DPYSL2: variants seen among roughly 807,000 people sequenced by gnomAD.
DPYSL2 encodes dihydropyrimidinase-related protein 2.
Under a neutral mutation model 69.9 loss-of-function variants are expected in DPYSL2, and 13 were observed. The ratio of observed to expected loss-of-function variants is 0.19; its 90% confidence interval spans 0.12 to 0.30. The LOEUF is 0.30. Ranked by LOEUF, DPYSL2 falls within the 10% of genes least tolerant of loss-of-function variation. The pLI, the probability that DPYSL2 is intolerant of heterozygous loss-of-function variation, is 1.00. For missense variants in DPYSL2, 587 were observed against 918.9 expected (o/e 0.64, Z 4.67); for synonymous variants, 326 against 359.1 (o/e 0.91, Z 1.04).
At chr8:26,540,236 A>G (rs900255248) in intron 1 of DPYSL2, among the ~76,000 whole-genome samples, 2 of 151,848 alleles carry the variant, frequency 1.3e-5, no homozygotes, top group Non-Finnish European at 2.9e-5. Flanking sequence ...GAAATTCAGT[A>G]AACAGCTTCA....
Position 26,588,261 on chromosome 8 carries a change from G to C in DPYSL2, c.628+4278G>C, listed in dbSNP as rs984042984. ...ACCTGAGTATTCACTGAGAGCAGGC[G>C]CTGTCTAGGCGTGGCTGGCGGACTG... On this transcript the variant is annotated intron_variant, in intron 3 of 13. Coordinates refer to ENST00000521913, the MANE Select transcript of DPYSL2 (RefSeq NM_001197293.3). The surrounding 1 kb of genome is among the most constrained non-coding windows in gnomAD (Gnocchi z 5.4). Among the ~76,000 whole-genome samples, 8 of 152,210 alleles carry C rather than the reference G, an allele frequency of 5.3e-5. No individual in the cohort carries two copies. The highest frequency in any genetic ancestry group is 2.0e-4 in the Admixed American group (3 of 15,280).
intron 1 of DPYSL2, among the ~76,000 whole-genome samples, chr8:26,544,865 T>C (rs145881350): frequency 6.6e-6 from 1 of 152,332 alleles, no homozygotes; most frequent in Non-Finnish European, 1.5e-5. Context: ...GCTATACTTA[T>C]ATCAGACAAA....
At chr8:26,636,430 C>T (rs1427074129) in intron 8 of DPYSL2, among the ~76,000 whole-genome samples, 3 of 152,204 alleles carry the variant, frequency 2.0e-5, no homozygotes, top group Non-Finnish European at 2.9e-5. Flanking sequence ...TTTACTACTG[C>T]GCTGTACCTA....
At position 26,585,227 on chromosome 8, in the gene DPYSL2, A is replaced by G. The variant is rs1585525631; in HGVS notation, c.628+1244A>G. On this transcript the variant is annotated intron_variant, in intron 3 of 13. Transcript: ENST00000521913. The surrounding 1 kb of genome is among the most constrained non-coding windows in gnomAD (Gnocchi z 4.0). ...AACTTAGCTGTTTCTGCTATAGAAAAACCTTTCTTACTGGTTATTTTTCCG... is the reference window on the plus strand; with the variant it reads ...AACTTAGCTGTTTCTGCTATAGAAAGACCTTTCTTACTGGTTATTTTTCCG... Among the ~76,000 whole-genome samples the G allele has an allele frequency of 1.3e-5, 2 of 152,020 alleles. No homozygotes were observed.
At chr8:26,639,146 G>T (rs936151598) in intron 8 of DPYSL2, among the ~76,000 whole-genome samples, 3 of 152,210 alleles carry the variant, frequency 2.0e-5, no homozygotes, top group African/African-American at 7.2e-5. Context: ...GCACATGGTC[G>T]CAGGGCCTGT....
At position 26,621,837 on chromosome 8, in the gene DPYSL2, A is replaced by G. The variant is rs1802487995; in HGVS notation, c.629-2306A>G. Among the ~76,000 whole-genome samples the G allele has an allele frequency of 6.6e-6, 1 of 152,184 alleles. No homozygotes were observed. Among genetic ancestry groups the G allele is most frequent in the Non-Finnish European group, 1.5e-5 (1 of 68,038 alleles). On this transcript the variant is annotated intron_variant, in intron 3 of 13. Coordinates refer to ENST00000521913, the MANE Select transcript of DPYSL2 (RefSeq NM_001197293.3). This position sits in a 1 kb window ranked among gnomAD's most constrained non-coding sequence, Gnocchi z 4.9. ...GATAAAGAGTACCTTGGAGAGATCA[A>G]CTAGGACCGGATCTGACTGGCCAAG...
At chr8:26,622,277 A>G (rs1802509925) in intron 3 of DPYSL2, among the ~76,000 whole-genome samples, 1 of 151,756 alleles carries the variant, frequency 6.6e-6, no homozygotes. Flanking sequence ...TCAGCATTTT[A>G]CTGATGGAAT....
chr8:26,617,817 A>G lies in DPYSL2; in HGVS notation c.629-6326A>G, dbSNP rs1308047417. Among the ~76,000 whole-genome samples the G allele has an allele frequency of 6.6e-6, 1 of 152,154 alleles. No individual in the cohort carries two copies. The stretch of plus-strand genomic sequence containing the variant: ...ACAAATCTATGGAGACGGGAAGTAG[A>G]TTGATGGTGGCCAGGGTTTGGGAGT... On this transcript the variant is annotated intron_variant, in intron 3 of 13. Coordinates refer to ENST00000521913, the MANE Select transcript of DPYSL2 (RefSeq NM_001197293.3). This position sits in a 1 kb window ranked among gnomAD's most constrained non-coding sequence, Gnocchi z 4.7.
rs1436298397 is a variant in DPYSL2 at position 26,580,507 on chromosome 8, G to A, written c.355-1462G>A. Among the ~76,000 whole-genome samples, 1 of 152,104 alleles carries A rather than the reference G, an allele frequency of 6.6e-6. No individual in the cohort carries two copies. Among genetic ancestry groups the A allele is most frequent in the Non-Finnish European group, 1.5e-5 (1 of 68,016 alleles). ...TTTCCAAAGTCTACGTGAGGATCAG[G>A]GACCCTGCAGTGTACAAAATTAAAA... On this transcript the variant is annotated intron_variant, in intron 1 of 13. Coordinates refer to ENST00000521913, the MANE Select transcript of DPYSL2 (RefSeq NM_001197293.3). This position sits in a 1 kb window ranked among gnomAD's most constrained non-coding sequence, Gnocchi z 4.1.
chr8:26,590,420 G>A (rs1474376882), intron 3 of DPYSL2, among the ~76,000 whole-genome samples: 3 of 152,084 alleles, frequency 2.0e-5, no homozygotes, highest in African/African-American at 7.2e-5. Flanking sequence ...GTGTCACTGC[G>A]TGAATCTCGG....
At chr8:26,608,418 T>C (rs1802155845) in intron 3 of DPYSL2, among the ~76,000 whole-genome samples, 1 of 152,216 alleles carries the variant, frequency 6.6e-6, no homozygotes, top group Non-Finnish European at 1.5e-5. Flanking sequence ...AGAGGAGTTT[T>C]ATAAAAAACA....
chr8:26,625,134 G>A (rs1372358872), intron 4 of DPYSL2, among the ~76,000 whole-genome samples: 1 of 152,162 alleles, frequency 6.6e-6, no homozygotes, highest in African/African-American at 2.4e-5. Context: ...GGAATGAAAA[G>A]CAAGAGTCTT....
intron 1 of DPYSL2, chr8:26,548,402 C>G (rs7823093): frequency 0.88 from 191,553 of 218,048 alleles, 84,694 homozygotes; most frequent in East Asian, 0.99. Context: ...CGTCTATATA[C>G]TGAGCCCAGG....
At chr8:26,602,967 A>G (rs62491925) in intron 3 of DPYSL2, among the ~76,000 whole-genome samples, 3,464 of 152,290 alleles carry the variant, frequency 0.023, 57 homozygotes, top group Middle Eastern at 0.068. Context: ...GATTTCACCC[A>G]TGGGGTGGGC....
chr8:26,555,413 T>C (rs1800929131), intron 1 of DPYSL2, among the ~76,000 whole-genome samples: 2 of 152,316 alleles, frequency 1.3e-5, no homozygotes, highest in Admixed American at 1.3e-4. Context: ...GATTGTAGGA[T>C]ATGAGGTTAT....
rs1266777490 is a variant in DPYSL2, at chr8:26,564,953, C to A, written c.355-17016C>A. ...CCTCCTTCTTCTGAGTCTCCAAAGT[C>A]CATTATATCACTCTGTATGCCTTTG... On this transcript the variant is annotated intron_variant, in intron 1 of 13. Transcript: ENST00000521913. This position sits in a 1 kb window ranked among gnomAD's most constrained non-coding sequence, Gnocchi z 4.8. Among the ~76,000 whole-genome samples the A allele has an allele frequency of 6.6e-6, 1 of 151,996 alleles. No individual in the cohort carries two copies. Among genetic ancestry groups the A allele is most frequent in the Non-Finnish European group, 1.5e-5 (1 of 68,018 alleles).
intron 1 of DPYSL2, among the ~76,000 whole-genome samples, chr8:26,573,816 G>A (rs382232): frequency 0.19 from 26,828 of 138,910 alleles, 2,833 homozygotes; most frequent in African/African-American, 0.29. Context: ...CAGCCTGGGC[G>A]ACAGAGTGAG....
chr8:26,576,968 G>T lies in DPYSL2; in HGVS notation c.355-5001G>T, dbSNP rs139599526. ...CCGAGGTGGGCGTGACTGTAAAGCG[G>T]GCGCACAGAGCGCAGATCGCGCCAC... is the stretch of plus-strand genomic sequence containing the variant. On this transcript the variant is annotated intron_variant, in intron 1 of 13. Coordinates refer to ENST00000521913, the MANE Select transcript of DPYSL2 (RefSeq NM_001197293.3). 3.7e-5 allele frequency: 11 copies of T among 295,484 alleles called. No homozygotes were observed. The East Asian group carries it at 1.7e-3, about 45-fold the overall frequency. The allele number at this position is 295,484 out of a possible 1,614,324, so 18.3% of individuals were successfully genotyped here.
chr8:26,530,108 G>A (rs1324499825), intron 1 of DPYSL2, among the ~76,000 whole-genome samples: 8 of 65,706 alleles, frequency 1.2e-4, no homozygotes, highest in African/African-American at 3.7e-4. Context: ...GGGAAACTCC[G>A]TCTCCAAAAA....
Sources: gnomAD v4.1 joint callset for allele counts (sites outside exome capture counted in the v4.1 genomes callset) on GRCh38, gnomAD v4.1.1 for gene constraint, Gnocchi (gnomAD v3.1) non-coding constraint, MANE v1.5 for transcripts, NCBI Gene and HGNC (gene_info 2026-07-23, HGNC 2026-07-21) for gene names.